FRMD4B: variants seen among roughly 807,000 people sequenced by gnomAD.
FRMD4B encodes the protein FERM domain containing 4B.
FRMD4B carries 74 observed loss-of-function variants against 141.5 expected under a neutral mutation model. The ratio of observed to expected loss-of-function variants is 0.52; its 90% CI spans 0.43 to 0.63. FRMD4B has a LOEUF of 0.63. FRMD4B is among the 30% of genes least tolerant of loss of function. The pLI, the probability that FRMD4B is intolerant of heterozygous loss-of-function variation, is 0.00. For missense variants in FRMD4B, 1,366 were observed against 1,253.4 expected (o/e 1.09, Z -1.36); for synonymous variants, 506 against 467.9 (o/e 1.08, Z -1.05).
At chr3:69,398,878 T>C (rs977408173) in intron 2 of FRMD4B, among the ~76,000 whole-genome samples, 7 of 152,190 alleles carry the variant, frequency 4.6e-5, no homozygotes, top group African/African-American at 1.4e-4. Flanking sequence ...ACATAGTCTA[T>C]GATATCCAAA....
intron 7 of FRMD4B, among the ~76,000 whole-genome samples, chr3:69,247,741 C>T (rs553392532): frequency 2.6e-5 from 4 of 152,178 alleles, no homozygotes; most frequent in South Asian, 2.1e-4. Context: ...CTCCACCTCC[C>T]GGGTTCACGC....
At chr3:69,260,912 G>T (rs1194785586) in intron 5 of FRMD4B, among the ~76,000 whole-genome samples, 2 of 152,220 alleles carry the variant, frequency 1.3e-5, no homozygotes, top group African/African-American at 4.8e-5. Flanking sequence ...TCTGTGTCTA[G>T]CTCAGGGACT....
chr3:69,508,225 A>G (rs1347366677), intron 1 of FRMD4B, among the ~76,000 whole-genome samples: 3 of 152,230 alleles, frequency 2.0e-5, no homozygotes, highest in Non-Finnish European at 4.4e-5. Flanking sequence ...AACATTTTAC[A>G]TAAGAAAAAA....
intron 2 of FRMD4B, among the ~76,000 whole-genome samples, chr3:69,416,828 T>A (rs966749990): frequency 5.3e-5 from 8 of 152,178 alleles, no homozygotes; most frequent in Admixed American, 3.9e-4. Context: ...TGTGTTAGTT[T>A]GCTGAGAATG....
At chr3:69,347,442 G>A (rs1327096544) in intron 1 of FRMD4B, among the ~76,000 whole-genome samples, 1 of 152,188 alleles carries the variant, frequency 6.6e-6, no homozygotes, top group Non-Finnish European at 1.5e-5. Flanking sequence ...AAGTTAAAAA[G>A]GATATCCAGG....
In FRMD4B at chr3:69,229,748, G is replaced by A. The variant is rs888367204; in HGVS notation, c.582-5058C>T. On this transcript the variant is annotated intron_variant, in intron 7 of 22. Transcript: ENST00000398540. Reference sequence around the variant, plus strand: ...ATACACAATGGAGTCTCACTCTGTCGCCAGGCTGCAGTGCAGTCGTGCGAT... The same window carrying A: ...ATACACAATGGAGTCTCACTCTGTCACCAGGCTGCAGTGCAGTCGTGCGAT... 2.6e-5 allele frequency among the ~76,000 whole-genome samples: 4 copies of A among 152,050 alleles called. No individual in the cohort carries two copies. In the South Asian group the frequency reaches 6.2e-4, roughly 24 times the overall value.
chr3:69,398,618 G>A (rs1180978877), intron 2 of FRMD4B, among the ~76,000 whole-genome samples: 1 of 152,150 alleles, frequency 6.6e-6, no homozygotes, highest in East Asian at 1.9e-4. Flanking sequence ...TTGTTCCCCA[G>A]CTCCTTATTT....
intron 8 of FRMD4B, 73 bp from the exon 9 acceptor site, chr3:69,221,996 A>T (rs2093199820): frequency 1.2e-6 from 1 of 811,842 alleles, no homozygotes; most frequent in Admixed American, 2.0e-5. Flanking sequence ...CCACATTATC[A>T]GGTGGCTGTC....
At chr3:69,525,774 T>C (rs1319797823) in intron 1 of FRMD4B, among the ~76,000 whole-genome samples, 1 of 151,714 alleles carries the variant, frequency 6.6e-6, no homozygotes, top group Non-Finnish European at 1.5e-5. Flanking sequence ...CACATCAGCC[T>C]CCTGAGTAGC....
chr3:69,205,189 T>C (rs74993427), intron 11 of FRMD4B, among the ~76,000 whole-genome samples: 2,962 of 150,420 alleles, frequency 0.02, 101 homozygotes, highest in African/African-American at 0.07. Flanking sequence ...TTGTATGAGA[T>C]AGGGTCTTGG....
intron 11 of FRMD4B, among the ~76,000 whole-genome samples, chr3:69,213,118 TC>T (rs1432706993): frequency 3.9e-5 from 6 of 152,060 alleles, no homozygotes; most frequent in Non-Finnish European, 7.4e-5. Context: ...TGAAAAGAAA[TC>T]GGTTTATAAG....
chr3:69,283,633 CA>C (rs1184320149), intron 5 of FRMD4B, among the ~76,000 whole-genome samples: 1 of 152,074 alleles, frequency 6.6e-6, no homozygotes, highest in Non-Finnish European at 1.5e-5. Flanking sequence ...TGATCAATGC[CA>C]ACTAGGCAGT....
At chr3:69,333,367 G>A (rs1019821404) in intron 1 of FRMD4B, among the ~76,000 whole-genome samples, 11 of 152,284 alleles carry the variant, frequency 7.2e-5, no homozygotes, top group African/African-American at 2.2e-4. Context: ...AGGGAATCCC[G>A]TGGTGCAGAC....
chr3:69,192,968 C>A (rs1370369560), intron 17 of FRMD4B, among the ~76,000 whole-genome samples: 1 of 151,914 alleles, frequency 6.6e-6, no homozygotes, highest in African/African-American at 2.4e-5. Flanking sequence ...CAGGTATGTA[C>A]CACCATGCCT....
chr3:69,252,972 T>A (rs1266219408), intron 5 of FRMD4B, among the ~76,000 whole-genome samples: 1 of 152,068 alleles, frequency 6.6e-6, no homozygotes. Flanking sequence ...CACACCCTCA[T>A]GGCTAATTTA....
intron 1 of FRMD4B, among the ~76,000 whole-genome samples, chr3:69,537,371 G>T (rs1213473458): frequency 6.6e-6 from 1 of 152,200 alleles, no homozygotes; most frequent in Admixed American, 6.5e-5. Flanking sequence ...CCTCAAGGCT[G>T]AAGAGCTGCA....
chr3:69,541,765 T>C (rs1701187226), intron 1 of FRMD4B, among the ~76,000 whole-genome samples: 1 of 151,504 alleles, frequency 6.6e-6, no homozygotes, highest in Non-Finnish European at 1.5e-5. Context: ...AAACCCTTAG[T>C]GTCCTCTGCT....
At chr3:69,270,553 C>CT (rs1299274185) in intron 5 of FRMD4B, among the ~76,000 whole-genome samples, 1 of 139,164 alleles carries the variant, frequency 7.2e-6, no homozygotes, top group Non-Finnish European at 1.6e-5. Context: ...CAAGCATTTT[C>CT]TTTTTTTCTT....
chr3:69,440,670 T>C lies in FRMD4B; in HGVS notation c.-128-7909A>G, dbSNP rs567058738. On this transcript the variant is annotated intron_variant, in intron 1 of 5. Transcript: ENST00000459638. ...AAAAAATACAAAAATTAGCCAGGTGTGGTGATGCACCCCTGTAATCCCAGC... is the reference window on the plus strand; with the variant it reads ...AAAAAATACAAAAATTAGCCAGGTGCGGTGATGCACCCCTGTAATCCCAGC... 3.4e-3 allele frequency among the ~76,000 whole-genome samples: 516 copies of C among 152,172 alleles called. 4 individuals carry two copies. Among genetic ancestry groups the C allele is most frequent in the African/African-American group, 0.012 (499 of 41,532 alleles).
Sources: allele counts gnomAD v4.1 joint callset (sites outside exome capture counted in the v4.1 genomes callset), GRCh38; gene constraint gnomAD v4.1.1; transcripts MANE v1.5; gene names NCBI Gene and HGNC (gene_info 2026-07-23, HGNC 2026-07-21).